The following GGN variants were observed in gnomAD, a reference collection of about 807,000 sequenced individuals.
GGN encodes gametogenetin.
GGN carries 27 observed loss-of-function variants against 35.5 expected under a neutral mutation model. That is an observed-to-expected ratio of 0.76 (90% CI 0.56 to 1.05). The LOEUF is 1.05. Among genes scored for constraint, GGN ranks in the 50% least tolerant of loss-of-function variants. The pLI is 0.00. For synonymous variants in GGN, 425 were observed against 444.1 expected, an observed-to-expected ratio of 0.96 and a Z score of 0.54; for missense variants, 1,006 against 940.7, an observed-to-expected ratio of 1.07 and a Z score of -0.91.
Position 38,387,367 on chromosome 19 carries a change from C to A in GGN, c.-19-87G>T. ...TGTACTTGATCTAATGCGTCCGCAC[C>A]GGCCCCGCCCCTGTTCTCCAAGATC... On this transcript the variant is annotated intron_variant, in intron 2 of 3. Transcript: ENST00000334928. This position sits in a 1 kb window ranked among gnomAD's most constrained non-coding sequence, Gnocchi z 5.3. The A allele has an allele frequency of 6.9e-7, 1 of 1,441,870 alleles. No homozygotes were observed. Among genetic ancestry groups the A allele is most frequent in the Non-Finnish European group, 9.1e-7 (1 of 1,100,436 alleles). The allele number at this position is 1,441,870 out of a possible 1,614,324, so 89.3% of individuals were successfully genotyped here. A position where few individuals can be genotyped will look rare whatever the true frequency, so the allele number is the denominator to read the frequency against.
rs2145139887 is a variant in GGN at position 38,386,746 on chromosome 19, C to T, written c.516G>A (p.Lys172=). 6.2e-7 allele frequency: 1 copy of T among 1,609,508 alleles called. No individual in the cohort carries two copies. Among genetic ancestry groups the T allele is most frequent in the African/African-American group, 1.3e-5 (1 of 74,880 alleles). Residue 172 remains lysine, a synonymous_variant, in exon 3 of 4, where the codon AAG becomes AAA. Transcript: ENST00000334928. ...GTTCAGAAGGTAATGGTGGTGGCGG[C>T]TTCCAAGTCTCCAGGGGCGGCGGAA... is the stretch of plus-strand genomic sequence containing the variant. ...SQFPPPLETW[K]PPPPLPSERQ...
At chr19:38,385,321 A>T (rs1268329848) in intron 3 of GGN, 100 bp downstream of exon 3, 1 of 1,494,148 alleles carries the variant, frequency 6.7e-7, no homozygotes, top group Non-Finnish European at 9.1e-7. Context: ...GCAGAGATGA[A>T]GGCCACGGGT....
rs1282295739 is a variant in GGN, at chr19:38,386,486, G to T, written c.776C>A (p.Ser259Ter). ...SRPSLAPPAA[S>*]SSLAAKASLG... Reference sequence around the variant, plus strand: ...CGAAGCTTTGGCTGCTAAGGAACTCGAGGCTGCCGGAGGGGCCAAAGAGGG... The same window carrying T: ...CGAAGCTTTGGCTGCTAAGGAACTCTAGGCTGCCGGAGGGGCCAAAGAGGG... The change falls in exon 3 of 4, where the codon TCG becomes TAG. Residue 259 changes from serine to a stop codon, truncating the protein, a stop_gained. Coordinates refer to ENST00000334928, the MANE Select transcript of GGN (RefSeq NM_152657.4). LOFTEE classifies it high-confidence loss of function. 2 of 1,612,920 alleles carry T rather than the reference G, an allele frequency of 1.2e-6. No homozygotes were observed. The highest frequency in any genetic ancestry group is 1.7e-6 in the Non-Finnish European group (2 of 1,180,000).
rs1970742412 is a variant in GGN, at chr19:38,386,985, C to T, written c.277G>A (p.Val93Ile). 4.6e-6 allele frequency: 7 copies of T among 1,536,548 alleles called. No homozygotes were observed. The highest frequency in any genetic ancestry group is 5.3e-6 in the Non-Finnish European group (6 of 1,141,404). ...GCGGGGGCCGGGGGTGGTGCAGAGA[C>T]CGCGGCCGCCTCTTCAGGAGGGGGC... ...VMPPPEEAAA[V>I]SAPPPAPAGT... Residue 93 changes from valine to isoleucine, a missense_variant, in exon 3 of 4, where the codon GTC becomes ATC. Val to Ile is a conservative substitution (Grantham distance 29). Transcript: ENST00000334928.
chr19:38,386,779 TG>T lies in GGN; in HGVS notation c.482del (p.Pro161HisfsTer79). 6.2e-7 allele frequency: 1 copy of T among 1,610,416 alleles called. No individual in the cohort carries two copies. The highest frequency in any genetic ancestry group is 8.5e-7 in the Non-Finnish European group (1 of 1,177,810). Reference protein sequence around the residue: ...LSVKDTVPRAPSQFPPPLETW... With the variant: ...LSVKDTVPRAXSQFPPPLETW... ...TCTCCAGGGGCGGCGGAAATTGGGATGGGGCCCTCGGGACAGTGTCCTTCAC... is the reference window on the plus strand; with the variant it reads ...TCTCCAGGGGCGGCGGAAATTGGGATGGGCCCTCGGGACAGTGTCCTTCAC... On this transcript the variant is annotated frameshift_variant, in exon 3 of 4. Coordinates refer to ENST00000334928, the MANE Select transcript of GGN (RefSeq NM_152657.4). LOFTEE classifies it high-confidence loss of function.
Position 38,386,156 on chromosome 19 carries a change from G to C in GGN, c.1106C>G (p.Ala369Gly), listed in dbSNP as rs1460894148. The change falls in exon 3 of 4, where the codon GCT becomes GGT. Residue 369 changes from alanine to glycine, a missense_variant. Transcript: ENST00000334928. ...GPERHFRFNG[A>G]GGGIGAPRRR... ...TCGCGGCGCCCCGATGCCTCCGCCAGCCCCGTTGAAGCGGAAGTGGCGTTC... is the reference window on the plus strand; with the variant it reads ...TCGCGGCGCCCCGATGCCTCCGCCACCCCCGTTGAAGCGGAAGTGGCGTTC... 1.3e-6 allele frequency: 2 copies of C among 1,589,822 alleles called. No homozygotes were observed. Among genetic ancestry groups the C allele is most frequent in the Admixed American group, 3.5e-5 (2 of 57,710 alleles).
At position 38,384,512 on chromosome 19, in the gene GGN, T is replaced by C. The variant is rs763425580; in HGVS notation, c.1859A>G (p.Asn620Ser). 6 of 1,613,606 alleles carry C rather than the reference T, an allele frequency of 3.7e-6. No homozygotes were observed. Among genetic ancestry groups the C allele is most frequent in the Admixed American group, 3.3e-5 (2 of 59,976 alleles). The part of the protein sequence containing the change: ...NVSAWLSTST[N>S]HLGEPPWVAT... ...AACCCAGGGTGGCTCGCCCAGGTGG[T>C]TGGTGGATGTGCTCAGCCTAGTGGG... The change falls in exon 4 of 4, where the codon AAC (asparagine) becomes AGC (serine). Residue 620 changes from asparagine to serine, a missense_variant. Physicochemically the swap from Asn to Ser is conservative, Grantham distance 46. Coordinates refer to ENST00000334928, the MANE Select transcript of GGN (RefSeq NM_152657.4).
At position 38,385,920 on chromosome 19, in the gene GGN, T is replaced by C; in HGVS notation, c.1342A>G (p.Thr448Ala). The C allele has an allele frequency of 6.4e-7, 1 of 1,572,900 alleles. No individual in the cohort carries two copies. The highest frequency in any genetic ancestry group is 8.6e-7 in the Non-Finnish European group (1 of 1,161,088). ...GGCTGGAGCGCTGGTGGCTGCAGTG[T>C]GGGCGGCGGTGTGGGCGGTGGCAGC... Reference protein sequence around the residue: ...PPLPPPTPPPTLQPPALQPTP... With the variant: ...PPLPPPTPPPALQPPALQPTP... The change falls in exon 3 of 4, where the codon ACA (threonine) becomes GCA (alanine). Residue 448 changes from threonine to alanine, a missense_variant. By Grantham distance (58) the Thr-to-Ala change is moderately conservative (BLOSUM62 0). Coordinates refer to ENST00000334928, the MANE Select transcript of GGN (RefSeq NM_152657.4).
At chr19:38,385,382 CTG>C in intron 3 of GGN, 37 bp downstream of exon 3, 1 of 1,612,062 alleles carries the variant, frequency 6.2e-7, no homozygotes. Flanking sequence ...ATCCAGCAGT[CTG>C]GGGTTCGGCA....
upstream of GGN, chr19:38,388,314 G>A: frequency 2.6e-6 from 1 of 388,998 alleles, no homozygotes; most frequent in East Asian, 3.7e-5. Flanking sequence ...GTCCTCGCCT[G>A]CAGCATCCAA....
In GGN at chr19:38,385,445, C is replaced by T. The variant is rs766530005; in HGVS notation, c.1817G>A (p.Arg606His). ...CYCHHQPRHR[R>H]LPRNVSAWLS... ...CCAGGCAGAGACGTTGCGTGGCAGG[C>T]GGCGATGGCGTGGCTGGTGGTGGCA... The change falls in exon 3 of 4, where the codon CGC becomes CAC. Residue 606 changes from arginine (R) to histidine (H), a missense_variant. Physicochemically the swap from Arg to His is conservative, Grantham distance 29 (BLOSUM62 0). Transcript: ENST00000334928. 9 of 1,614,092 alleles carry T rather than the reference C, an allele frequency of 5.6e-6. No homozygotes were observed. Among genetic ancestry groups the T allele is most frequent in the African/African-American group, 5.3e-5 (4 of 75,058 alleles).
Position 38,385,437 on chromosome 19 carries a change from G to C in GGN, c.1825C>G (p.Arg609Gly). 1.9e-6 allele frequency: 3 copies of C among 1,614,124 alleles called. No individual in the cohort carries two copies. Among genetic ancestry groups the C allele is most frequent in the Non-Finnish European group, 2.5e-6 (3 of 1,180,048 alleles). Residue 609 changes from arginine (R) to glycine (G), a missense_variant, in exon 3 of 4, where the codon CGC (arginine) becomes GGC (glycine). Transcript: ENST00000334928. ...HHQPRHRRLP[R>G]NVSAWLSTST... The stretch of plus-strand genomic sequence containing the variant: ...CCCTCTCACCAGGCAGAGACGTTGC[G>C]TGGCAGGCGGCGATGGCGTGGCTGG...
In GGN at chr19:38,384,309, A is replaced by T; in HGVS notation, c.*103T>A. The T allele has an allele frequency of 1.2e-6, 1 of 828,054 alleles. No individual in the cohort carries two copies. Among genetic ancestry groups the T allele is most frequent in the South Asian group, 1.5e-5 (1 of 66,866 alleles). 51.3% of individuals were successfully genotyped at this position (828,054 alleles called of 1,614,324 possible). A position where few individuals can be genotyped will look rare whatever the true frequency, so the allele number is the denominator to read the frequency against. ...TTTAATGGCGATCCTGCCCTGCTGC[A>T]CCCTACCCACTGCCTTGGCGAGTGA... is the stretch of plus-strand genomic sequence containing the variant. On this transcript the variant is annotated 3_prime_UTR_variant, in exon 4 of 4. Transcript: ENST00000334928.
Position 38,385,720 on chromosome 19 carries a change from G to A in GGN, c.1542C>T (p.Pro514=). 1.9e-6 allele frequency: 3 copies of A among 1,609,058 alleles called. No individual in the cohort carries two copies. Among genetic ancestry groups the A allele is most frequent in the African/African-American group, 1.3e-5 (1 of 74,610 alleles). ...TCTTGATGGGCGCAGCCGCGGGTGCGGGCGCGGACACAGGCGGCGAGGGCT... is the reference window on the plus strand; with the variant it reads ...TCTTGATGGGCGCAGCCGCGGGTGCAGGCGCGGACACAGGCGGCGAGGGCT... The part of the protein sequence containing the change: ...VAEPSPPVSA[P]APAAAPIKTR... Residue 514 remains proline, a synonymous_variant, in exon 3 of 4, where the codon CCC becomes CCT. Coordinates refer to ENST00000334928, the MANE Select transcript of GGN (RefSeq NM_152657.4).
chr19:38,385,871 G>A lies in GGN; in HGVS notation c.1391C>T (p.Pro464Leu), dbSNP rs777762753. 1 of 1,546,862 alleles carries A rather than the reference G, an allele frequency of 6.5e-7. No individual in the cohort carries two copies. The highest frequency in any genetic ancestry group is 1.2e-5 in the South Asian group (1 of 84,908). The change falls in exon 3 of 4, where the codon CCG becomes CTG. Residue 464 changes from proline (P) to leucine (L), a missense_variant. Physicochemically the swap from Pro to Leu is moderately conservative, Grantham distance 98. Transcript: ENST00000334928. ...LQPTPLPVAP[P>L]LTPGLGHKES... ...CTTGTGGCCCAGACCCGGGGTGAGC[G>A]GGGGAGCCACCGGCAGCGGCGTTGG...
In GGN at chr19:38,386,725, A is replaced by G. The variant is rs1156272495; in HGVS notation, c.537T>C (p.Ser179=). Residue 179 remains serine (S), a synonymous_variant, in exon 3 of 4, where the codon TCT becomes TCC. Coordinates refer to ENST00000334928, the MANE Select transcript of GGN (RefSeq NM_152657.4). ...TTCTGCGGTCCGCCGGCTGCCGTTC[A>G]GAAGGTAATGGTGGTGGCGGCTTCC... ...ETWKPPPPLP[S]ERQPADRRIT... is the part of the protein sequence containing the mutation. The G allele has an allele frequency of 6.2e-7, 1 of 1,608,506 alleles. No homozygotes were observed. Among genetic ancestry groups the G allele is most frequent in the Non-Finnish European group, 8.5e-7 (1 of 1,176,308 alleles).
chr19:38,385,682 C>T lies in GGN; in HGVS notation c.1580G>A (p.Arg527Lys), dbSNP rs1970698619. The T allele has an allele frequency of 6.2e-7, 1 of 1,613,538 alleles. No homozygotes were observed. The highest frequency in any genetic ancestry group is 1.1e-5 in the South Asian group (1 of 91,082). Residue 527 changes from arginine (R) to lysine (K), a missense_variant, in exon 3 of 4, where the codon AGG becomes AAG. Arg to Lys is a conservative substitution (Grantham distance 26). Transcript: ENST00000334928. ...AAAPIKTRTRRNKGSRAARGA... is the reference protein window; with the variant it reads ...AAAPIKTRTRKNKGSRAARGA... ...CCGGGCTGCACGGGAACCCTTGTTC[C>T]TGCGCGTGCGGGTCTTGATGGGCGC...
chr19:38,385,560 C>A lies in GGN; in HGVS notation c.1702G>T (p.Gly568Trp), dbSNP rs750033280. ...DSSGGGGGGS[G>W]ASQTGAANTR... Reference sequence around the variant, plus strand: ...TTAGCTGCCCCAGTCTGAGAGGCCCCGCTGCCACCACCCCCTCCACCACTG... The same window carrying A: ...TTAGCTGCCCCAGTCTGAGAGGCCCAGCTGCCACCACCCCCTCCACCACTG... Residue 568 changes from glycine (G) to tryptophan (W), a missense_variant, in exon 3 of 4, where the codon GGG becomes TGG. By Grantham distance (184) the Gly-to-Trp change is radical. Transcript: ENST00000334928. The A allele has an allele frequency of 6.2e-7, 1 of 1,614,072 alleles. No individual in the cohort carries two copies.
rs370817413 is a variant in GGN at position 38,385,906 on chromosome 19, T to C, written c.1356A>G (p.Pro452=). The change falls in exon 3 of 4, where the codon CCA becomes CCG. Residue 452 remains proline (P), a synonymous_variant. Coordinates refer to ENST00000334928, the MANE Select transcript of GGN (RefSeq NM_152657.4). ...CCGGCAGCGGCGTTGGCTGGAGCGC[T>C]GGTGGCTGCAGTGTGGGCGGCGGTG... ...PPTPPPTLQP[P]ALQPTPLPVA... 2.6e-6 allele frequency: 4 copies of C among 1,564,660 alleles called. No individual in the cohort carries two copies.
Sources: gnomAD v4.1 joint callset for allele counts on GRCh38, gnomAD v4.1.1 for gene constraint, Gnocchi (gnomAD v3.1) non-coding constraint, MANE v1.5 for transcripts, NCBI Gene and HGNC (gene_info 2026-07-23, HGNC 2026-07-21) for gene names.